The following PCDH15 variants were observed in gnomAD, a reference collection of about 807,000 sequenced individuals.
PCDH15 encodes the protein protocadherin related 15.
A neutral mutation model predicts 178.5 loss-of-function variants in PCDH15; 129 were observed. That is an observed-to-expected ratio of 0.72 (90% CI 0.63 to 0.84). The LOEUF is 0.84. Ranked by LOEUF, PCDH15 falls within the 40% of genes least tolerant of loss-of-function variation. The pLI is 0.00. For synonymous variants in PCDH15, 800 were observed against 732.0 expected, an observed-to-expected ratio of 1.09 and a Z score of -1.50; for missense variants, 2,230 against 2,099.9, an observed-to-expected ratio of 1.06 and a Z score of -1.21.
chr10:55,027,531 T>C (rs895786851), intron 2 of PCDH15, among the ~76,000 whole-genome samples: 4 of 151,888 alleles, frequency 2.6e-5, no homozygotes, highest in African/African-American at 9.7e-5. Flanking sequence ...TGAGGGCTTC[T>C]ATTTGGGGTG....
chr10:55,096,443 G>A (rs1274629252), intron 2 of PCDH15, among the ~76,000 whole-genome samples: 1 of 152,078 alleles, frequency 6.6e-6, no homozygotes, highest in African/African-American at 2.4e-5. Flanking sequence ...CCACGATCAA[G>A]CTAATTAACA....
intron 2 of PCDH15, among the ~76,000 whole-genome samples, chr10:55,594,899 T>A (rs2132135797): frequency 6.6e-6 from 1 of 152,144 alleles, no homozygotes; most frequent in African/African-American, 2.4e-5. Context: ...TGTAACAAAA[T>A]TACATATGTA....
chr10:54,016,834 C>T (rs2092756071), intron 20 of PCDH15, among the ~76,000 whole-genome samples: 1 of 152,110 alleles, frequency 6.6e-6, no homozygotes, highest in Non-Finnish European at 1.5e-5. Context: ...CCCTGTGACA[C>T]ACAATTTACC....
At chr10:54,682,738 CAT>C (rs1344176243) in intron 1 of PCDH15, among the ~76,000 whole-genome samples, 5 of 152,074 alleles carry the variant, frequency 3.3e-5, no homozygotes, top group Non-Finnish European at 7.4e-5. Context: ...AATAGCTACC[CAT>C]GTGTGTGTGC....
intron 2 of PCDH15, among the ~76,000 whole-genome samples, chr10:54,958,286 A>C (rs923009072): frequency 6.6e-6 from 1 of 151,736 alleles, no homozygotes; most frequent in Non-Finnish European, 1.5e-5. Flanking sequence ...TTCATCTCAG[A>C]TAAGAAGTAT....
chr10:55,167,863 A>G (rs188944646), intron 1 of PCDH15, among the ~76,000 whole-genome samples: 10 of 152,290 alleles, frequency 6.6e-5, no homozygotes, highest in African/African-American at 2.2e-4. Context: ...CAATGGTTCT[A>G]AGGTGAACTA....
intron 1 of PCDH15, among the ~76,000 whole-genome samples, chr10:55,192,591 C>T (rs943968197): frequency 1.5e-4 from 23 of 151,726 alleles, no homozygotes; most frequent in Non-Finnish European, 3.1e-4. Flanking sequence ...CAAGGAATCA[C>T]ATTATAGCAA....
chr10:54,467,075 A>G (rs1222907341), intron 3 of PCDH15, among the ~76,000 whole-genome samples: 1 of 151,970 alleles, frequency 6.6e-6, no homozygotes, highest in African/African-American at 2.4e-5. Context: ...AGATTTTCCT[A>G]GATAGAAGAT....
chr10:55,266,744 C>T lies in PCDH15; in HGVS notation c.-156+52855G>A, dbSNP rs1370244484. Among the ~76,000 whole-genome samples the T allele has an allele frequency of 4.6e-5, 7 of 152,238 alleles. 1 individual carries two copies. The highest frequency in any genetic ancestry group is 1.7e-4 in the African/African-American group (7 of 41,552). ...GTACTGGCAGATGCAGGCAGGTCATCGACCAGCAGAACCACACAGAGTCTG... is the reference window on the plus strand; with the variant it reads ...GTACTGGCAGATGCAGGCAGGTCATTGACCAGCAGAACCACACAGAGTCTG... On this transcript the variant is annotated intron_variant, in intron 1 of 5. Transcript: ENST00000458638.
At chr10:55,345,060 C>T (rs546415555) in intron 2 of PCDH15, among the ~76,000 whole-genome samples, 1 of 151,854 alleles carries the variant, frequency 6.6e-6, no homozygotes, top group Non-Finnish European at 1.5e-5. Flanking sequence ...TTTAAGAAGT[C>T]TCTTACTATA....
At chr10:54,984,769 C>T (rs1011040897) in intron 2 of PCDH15, among the ~76,000 whole-genome samples, 2 of 152,124 alleles carry the variant, frequency 1.3e-5, no homozygotes, top group African/African-American at 4.8e-5. Flanking sequence ...ACCAAGGAAG[C>T]AAGGCTGCAG....
intron 1 of PCDH15, among the ~76,000 whole-genome samples, chr10:55,234,809 T>A (rs1274553464): frequency 6.6e-6 from 1 of 152,118 alleles, no homozygotes; most frequent in Non-Finnish European, 1.5e-5. Flanking sequence ...TACCTAATTA[T>A]TACAATGAGA....
At chr10:54,099,513 A>AAAAAAAAAAAAAAAAT (rs1347306483) in intron 15 of PCDH15, among the ~76,000 whole-genome samples, 3 of 117,926 alleles carry the variant, frequency 2.5e-5, no homozygotes, top group African/African-American at 1.1e-4. Context: ...AAAAAAAAAA[A>AAAAAAAAAAAAAAAAT]ATATATATAT....
intron 3 of PCDH15, among the ~76,000 whole-genome samples, chr10:54,845,108 G>C (rs773381636): frequency 2.0e-5 from 3 of 151,614 alleles, no homozygotes; most frequent in Non-Finnish European, 4.4e-5. Context: ...TTTAGAAAAG[G>C]AAAAGCCTTT....
chr10:54,129,753 G>A (rs1017016971), intron 15 of PCDH15, among the ~76,000 whole-genome samples: 2 of 152,130 alleles, frequency 1.3e-5, no homozygotes, highest in African/African-American at 4.8e-5. Flanking sequence ...CCCACAGTGG[G>A]TCTTATGGAA....
intron 21 of PCDH15, among the ~76,000 whole-genome samples, chr10:53,983,676 A>G (rs535138417): frequency 1.3e-5 from 2 of 152,334 alleles, no homozygotes; most frequent in Admixed American, 6.5e-5. Flanking sequence ...AAGGTATGAA[A>G]TAACACATTC....
chr10:55,341,777 ATATATATATATATATATATATATATATAT>A (rs1565031697), intron 2 of PCDH15, among the ~76,000 whole-genome samples: 5 of 8,784 alleles, frequency 5.7e-4, no homozygotes, highest in East Asian at 3.1e-3. Context: ...ATATATATAT[ATATATATATATATATATATATATATATAT>A]TTTTTTTTTT....
At chr10:53,836,120 G>A (rs1399767115) in intron 29 of PCDH15, among the ~76,000 whole-genome samples, 1 of 152,136 alleles carries the variant, frequency 6.6e-6, no homozygotes. Context: ...CCCTGGGGGA[G>A]GAGCAGGAAG....
chr10:54,986,865 TAA>T, intron 2 of PCDH15, among the ~76,000 whole-genome samples: 1 of 152,284 alleles, frequency 6.6e-6, no homozygotes, highest in South Asian at 2.1e-4. Flanking sequence ...TATCAAGCAA[TAA>T]TCTATAATTT....
Sources: gnomAD v4.1 joint callset for allele counts (sites outside exome capture counted in the v4.1 genomes callset) on GRCh38, gnomAD v4.1.1 for gene constraint, MANE v1.5 for transcripts, NCBI Gene and HGNC (gene_info 2026-07-23, HGNC 2026-07-21) for gene names.